FAM110B: variants seen among roughly 807,000 people sequenced by gnomAD.
The protein encoded by FAM110B is family with sequence similarity 110 member B, also known as protein FAM110B.
Under a neutral mutation model 20.4 loss-of-function variants are expected in FAM110B, and 6 were observed. That is an observed-to-expected ratio of 0.29 (90% CI 0.16 to 0.58). The LOEUF is 0.58. Ranked by LOEUF, FAM110B falls within the 20% of genes least tolerant of loss-of-function variation. The probability of loss-of-function intolerance (pLI) is 0.90; values close to 1 mark genes in which losing one functional copy is unlikely to be tolerated. For synonymous variants in FAM110B, 226 were observed against 214.1 expected (o/e 1.06, Z -0.49); for missense variants, 434 against 498.2 (o/e 0.87, Z 1.23).
chr8:58,084,955 C>T (rs1340709512), intron 3 of FAM110B, among the ~76,000 whole-genome samples: 2 of 152,126 alleles, frequency 1.3e-5, no homozygotes, highest in Non-Finnish European at 2.9e-5. Context: ...AGGACTTTCC[C>T]TCTGGACACT....
At chr8:58,138,508 G>C (rs1390849942) in intron 3 of FAM110B, among the ~76,000 whole-genome samples, 1 of 152,152 alleles carries the variant, frequency 6.6e-6, no homozygotes, top group East Asian at 1.9e-4. Context: ...AGCTCCAAGG[G>C]GCCTGTGTTG....
chr8:58,023,365 G>C (rs1804793297), intron 1 of FAM110B, among the ~76,000 whole-genome samples: 1 of 152,092 alleles, frequency 6.6e-6, no homozygotes, highest in Non-Finnish European at 1.5e-5. Context: ...AAAGGATTTT[G>C]CATGTAAAAC....
At chr8:58,030,598 G>A (rs557503673) in intron 1 of FAM110B, among the ~76,000 whole-genome samples, 1 of 152,316 alleles carries the variant, frequency 6.6e-6, no homozygotes, top group Admixed American at 6.5e-5. Flanking sequence ...GGAGTCCCAA[G>A]TGCCTCCTTA....
At chr8:58,096,432 T>C (rs986330539) in intron 3 of FAM110B, among the ~76,000 whole-genome samples, 1 of 152,200 alleles carries the variant, frequency 6.6e-6, no homozygotes, top group African/African-American at 2.4e-5. Flanking sequence ...TGCCTCTGCC[T>C]CCCAAAGTGT....
At chr8:58,109,224 A>G (rs1281055502) in intron 3 of FAM110B, among the ~76,000 whole-genome samples, 2 of 152,150 alleles carry the variant, frequency 1.3e-5, no homozygotes, top group African/African-American at 4.8e-5. Flanking sequence ...TGTTACATAA[A>G]TGTTTATCTT....
At chr8:58,053,620 G>GT (rs1375530304) in intron 2 of FAM110B, among the ~76,000 whole-genome samples, 1 of 152,188 alleles carries the variant, frequency 6.6e-6, no homozygotes, top group Non-Finnish European at 1.5e-5. Flanking sequence ...AAGCCATGAG[G>GT]TCCCTAAGGC....
In FAM110B at chr8:58,115,362, A is replaced by G. The variant is rs373892283; in HGVS notation, c.-324-30545A>G. 3.3e-5 allele frequency among the ~76,000 whole-genome samples: 5 copies of G among 152,152 alleles called. No individual in the cohort carries two copies. The East Asian group carries it at 5.8e-4, about 18-fold the overall frequency. ...CATACAAACACACACACACTAGTCA[A>G]AAGCGGAGCCTGAATCATTTTTTTT... On this transcript the variant is annotated intron_variant, in intron 3 of 3. Coordinates refer to ENST00000519262, the MANE Select transcript of FAM110B (RefSeq NM_001377989.1).
chr8:58,102,347 A>G (rs889090442), intron 3 of FAM110B, among the ~76,000 whole-genome samples: 7 of 152,198 alleles, frequency 4.6e-5, no homozygotes, highest in African/African-American at 1.7e-4. Flanking sequence ...ATCCATCTAC[A>G]GCTTACCTTT....
intron 2 of FAM110B, among the ~76,000 whole-genome samples, chr8:58,035,385 C>T (rs1386353770): frequency 1.3e-5 from 2 of 152,210 alleles, no homozygotes; most frequent in Admixed American, 6.5e-5. Context: ...CTACTTTGAA[C>T]TAAAGACACA....
At chr8:58,038,540 T>C (rs970979568) in intron 2 of FAM110B, among the ~76,000 whole-genome samples, 1 of 152,126 alleles carries the variant, frequency 6.6e-6, no homozygotes, top group Non-Finnish European at 1.5e-5. Flanking sequence ...TCACTTGAGG[T>C]CAGGAGTTTG....
At chr8:58,139,996 G>C (rs1043005173) in intron 3 of FAM110B, among the ~76,000 whole-genome samples, 1 of 152,190 alleles carries the variant, frequency 6.6e-6, no homozygotes, top group African/African-American at 2.4e-5. Flanking sequence ...TGGCATTGCT[G>C]TTGGTTAAAA....
At chr8:58,105,792 A>G (rs1424680382) in intron 3 of FAM110B, among the ~76,000 whole-genome samples, 1 of 151,592 alleles carries the variant, frequency 6.6e-6, no homozygotes, top group East Asian at 1.9e-4. Flanking sequence ...GGATGCTCTC[A>G]ATCTCCTGAC....
chr8:58,146,692 G>A lies in FAM110B; in HGVS notation c.462G>A (p.Leu154=). ...WPPHRSEATD[L]HRHSFAESLK... is the part of the protein sequence containing the mutation. ...CCCACCGGTCGGAAGCCACTGACCT[G>A]CACCGTCACTCCTTCGCGGAGTCCC... Residue 154 remains leucine, a synonymous_variant, in exon 4 of 4, where the codon CTG becomes CTA. Coordinates refer to ENST00000519262, the MANE Select transcript of FAM110B (RefSeq NM_001377989.1). 6.2e-7 allele frequency: 1 copy of A among 1,612,686 alleles called. No homozygotes were observed. The highest frequency in any genetic ancestry group is 8.5e-7 in the Non-Finnish European group (1 of 1,179,528).
At chr8:58,055,899 G>A (rs528820721) in intron 2 of FAM110B, among the ~76,000 whole-genome samples, 2 of 152,334 alleles carry the variant, frequency 1.3e-5, no homozygotes, top group South Asian at 4.1e-4. Flanking sequence ...TGTATCAAAA[G>A]TTGTACAGTT....
At chr8:58,030,856 A>G (rs1804949478) in intron 1 of FAM110B, among the ~76,000 whole-genome samples, 1 of 152,154 alleles carries the variant, frequency 6.6e-6, no homozygotes, top group South Asian at 2.1e-4. Context: ...CATCACTTTC[A>G]TGACTCGTCC....
chr8:58,125,278 G>T (rs1321432573), intron 3 of FAM110B, among the ~76,000 whole-genome samples: 1 of 152,188 alleles, frequency 6.6e-6, no homozygotes, highest in Non-Finnish European at 1.5e-5. Flanking sequence ...ATCCTGGGAA[G>T]TTGAGGCTGC....
intron 3 of FAM110B, among the ~76,000 whole-genome samples, chr8:58,090,360 C>T (rs751004007): frequency 5.9e-5 from 9 of 152,154 alleles, no homozygotes; most frequent in Non-Finnish European, 1.0e-4. Flanking sequence ...AGAGTTTCAC[C>T]GTGTTGCCCA....
chr8:58,075,857 C>T (rs1192579427), intron 3 of FAM110B, among the ~76,000 whole-genome samples: 1 of 152,216 alleles, frequency 6.6e-6, no homozygotes, highest in Non-Finnish European at 1.5e-5. Flanking sequence ...CAAGGGGTTT[C>T]ATGATACACC....
chr8:58,076,337 G>C (rs754710957), intron 3 of FAM110B, among the ~76,000 whole-genome samples: 1 of 152,158 alleles, frequency 6.6e-6, no homozygotes, highest in Non-Finnish European at 1.5e-5. Flanking sequence ...TGGGTGACCC[G>C]CAGAGATCTT....
Sources: allele counts gnomAD v4.1 joint callset (sites outside exome capture counted in the v4.1 genomes callset), GRCh38; gene constraint gnomAD v4.1.1; transcripts MANE v1.5; gene names NCBI Gene and HGNC (gene_info 2026-07-23, HGNC 2026-07-21).